Variants in TANC1 observed in about 807,000 individuals in gnomAD.
The protein encoded by TANC1 is tetratricopeptide repeat, ankyrin repeat and coiled-coil containing 1.
In TANC1, 77 loss-of-function variants were observed where a neutral mutation model predicts 149.7. The observed-to-expected ratio is 0.51, with a 90% CI of 0.43 to 0.62. The LOEUF (loss-of-function observed/expected upper bound fraction) is 0.62. Among genes scored for constraint, TANC1 ranks in the 20% least tolerant of loss-of-function variants. The pLI is 0.00. For missense variants in TANC1, 1,985 were observed against 2,321.8 expected, an observed-to-expected ratio of 0.85 and a Z score of 2.98; for synonymous variants, 854 against 925.0, an observed-to-expected ratio of 0.92 and a Z score of 1.39.
intron 8 of TANC1, 66 bp from the exon 9 acceptor site, chr2:159,169,184 A>G (rs1412550254): frequency 2.8e-5 from 37 of 1,315,142 alleles, no homozygotes; most frequent in Non-Finnish European, 6.5e-6. Context: ...TTTATAAGTT[A>G]TAGTCACTTA....
chr2:159,228,926 A>T, intron 26 of TANC1, 30 bp downstream of exon 26: 1 of 1,579,576 alleles, frequency 6.3e-7, no homozygotes, highest in Non-Finnish European at 8.7e-7. Context: ...TTGTGTCTAG[A>T]GCTTTTTTTC....
chr2:159,193,041 G>A (rs958114138), intron 16 of TANC1, among the ~76,000 whole-genome samples: 4 of 152,206 alleles, frequency 2.6e-5, no homozygotes, highest in Admixed American at 6.5e-5. Context: ...ATTCAGTAGT[G>A]TTAACAATAT....
At chr2:159,124,754 TC>T (rs764992333) in intron 4 of TANC1, among the ~76,000 whole-genome samples, 1 of 151,870 alleles carries the variant, frequency 6.6e-6, no homozygotes, top group African/African-American at 2.4e-5. Context: ...TTTTTTTTTT[TC>T]CAGAGACAGG....
intron 2 of TANC1, among the ~76,000 whole-genome samples, chr2:159,028,889 G>A (rs149759795): frequency 1.3e-5 from 2 of 152,296 alleles, no homozygotes; most frequent in African/African-American, 4.8e-5. Flanking sequence ...AAGCAGCTGA[G>A]ACTATAGGCA....
chr2:159,207,819 A>G (rs991034438), intron 19 of TANC1, among the ~76,000 whole-genome samples: 1 of 152,018 alleles, frequency 6.6e-6, no homozygotes. Context: ...GTAACAGAGA[A>G]CTAAGAGTAG....
At chr2:159,170,445 C>A in intron 9 of TANC1, 79 bp from the exon 10 acceptor site, 4 of 1,331,360 alleles carry the variant, frequency 3.0e-6, no homozygotes, top group Non-Finnish European at 4.1e-6. Context: ...TTTAGTGTAA[C>A]ACACAAGCAA....
chr2:159,229,126 C>T (rs561729047), intron 26 of TANC1, among the ~76,000 whole-genome samples: 1 of 152,156 alleles, frequency 6.6e-6, no homozygotes, highest in East Asian at 1.9e-4. Context: ...CCTTCCCACC[C>T]CTCCCCCCAC....
chr2:159,017,756 AC>A (rs997435851), intron 2 of TANC1, among the ~76,000 whole-genome samples: 25 of 152,206 alleles, frequency 1.6e-4, no homozygotes, highest in African/African-American at 5.1e-4. Context: ...TACCTAATGC[AC>A]GCGGGACTTC....
chr2:159,051,368 A>G (rs2041449928), intron 2 of TANC1, among the ~76,000 whole-genome samples: 1 of 152,220 alleles, frequency 6.6e-6, no homozygotes, highest in South Asian at 2.1e-4. Context: ...CTGCGTCACA[A>G]TAGTGACTTT....
At position 159,227,924 on chromosome 2, in the gene TANC1, T is replaced by G. The variant is rs1228292622; in HGVS notation, c.4009T>G (p.Ser1337Ala). Residue 1337 changes from serine (S) to alanine (A), a missense_variant, in exon 25 of 27, where the codon TCC (serine) becomes GCC (alanine). Physicochemically the swap from Ser to Ala is moderately conservative, Grantham distance 99. This residue lies in a region of TANC1 where 920 missense variants were observed against 994.7 expected (regional missense o/e 0.92). Coordinates refer to ENST00000263635, the MANE Select transcript of TANC1 (RefSeq NM_033394.3). ...DMRPFNELRV[S>A]LYLNLSRCRR... ...GAGACCCTTCAATGAATTAAGGGTT[T>G]CCCTCTATCTCAATTTGTCGCGATG... is the stretch of plus-strand genomic sequence containing the variant. 2 of 1,613,646 alleles carry G rather than the reference T, an allele frequency of 1.2e-6. No homozygotes were observed. Among genetic ancestry groups the G allele is most frequent in the Admixed American group, 1.7e-5 (1 of 59,932 alleles).
chr2:159,057,425 G>A (rs1574382231), intron 2 of TANC1, among the ~76,000 whole-genome samples: 1 of 152,140 alleles, frequency 6.6e-6, no homozygotes, highest in Non-Finnish European at 1.5e-5. Flanking sequence ...GGGTAGCAAC[G>A]TACAGATGTA....
intron 1 of TANC1, among the ~76,000 whole-genome samples, chr2:158,981,542 T>A (rs72432572): frequency 4.8e-4 from 42 of 88,356 alleles, no homozygotes; most frequent in East Asian, 1.2e-3. Context: ...TATATATATA[T>A]AAAGAAGTAA....
intron 2 of TANC1, among the ~76,000 whole-genome samples, chr2:159,006,128 C>T (rs1380936910): frequency 6.6e-6 from 1 of 151,892 alleles, no homozygotes; most frequent in African/African-American, 2.4e-5. Flanking sequence ...AAACCCCCGT[C>T]TCTACTGAAA....
intron 4 of TANC1, among the ~76,000 whole-genome samples, chr2:159,110,880 T>C (rs901764623): frequency 6.6e-6 from 1 of 152,210 alleles, no homozygotes; most frequent in Non-Finnish European, 1.5e-5. Context: ...CAAGCATGTG[T>C]CGTCTTGACA....
Position 159,052,999 on chromosome 2 carries a change from C to T in TANC1, c.-15-12897C>T, listed in dbSNP as rs988395191. 3.3e-5 allele frequency among the ~76,000 whole-genome samples: 5 copies of T among 152,194 alleles called. 1 individual carries two copies. Among genetic ancestry groups the T allele is most frequent in the African/African-American group, 2.4e-5 (1 of 41,446 alleles). ...TGTCTACTTAAAAATCATTCAAAAA[C>T]ACTCTGAGGGTACAGATTGCTGAAG... On this transcript the variant is annotated intron_variant, in intron 2 of 26. Coordinates refer to ENST00000263635, the MANE Select transcript of TANC1 (RefSeq NM_033394.3).
rs571720650 is a variant in TANC1, at chr2:159,091,047, T to C, written c.62-6590T>C. The stretch of plus-strand genomic sequence containing the variant: ...GGGTGTTTTTTTGTTTTTTTTTTCT[T>C]CCCCTCTGTGGTGGCCCAGTACTGT... On this transcript the variant is annotated intron_variant, in intron 3 of 26. Coordinates refer to ENST00000263635, the MANE Select transcript of TANC1 (RefSeq NM_033394.3). 1.6e-3 allele frequency among the ~76,000 whole-genome samples: 248 copies of C among 152,144 alleles called. 2 individuals carry two copies. The highest frequency in any genetic ancestry group is 5.8e-3 in the African/African-American group (239 of 41,490).
intron 19 of TANC1, among the ~76,000 whole-genome samples, chr2:159,210,569 GT>G (rs991026400): frequency 6.6e-6 from 1 of 151,840 alleles, no homozygotes; most frequent in Non-Finnish European, 1.5e-5. Context: ...TTGTTTGTTT[GT>G]TTTTTGTTTT....
At position 159,097,806 on chromosome 2, in the gene TANC1, G is replaced by T; in HGVS notation, c.231G>T (p.Val77=). The T allele has an allele frequency of 6.2e-7, 1 of 1,613,438 alleles. No homozygotes were observed. Among genetic ancestry groups the T allele is most frequent in the Non-Finnish European group, 8.5e-7 (1 of 1,179,608 alleles). Residue 77 remains valine (V), a synonymous_variant, in exon 4 of 27, where the codon GTG becomes GTT. Coordinates refer to ENST00000263635, the MANE Select transcript of TANC1 (RefSeq NM_033394.3). The part of the protein sequence containing the change: ...SPLLPRQSHL[V]QSRVNKKSPG... ...TGCTGCCTCGACAGTCTCACTTGGTGCAATCAAGAGTGAACAAAAAATCCC... is the reference window on the plus strand; with the variant it reads ...TGCTGCCTCGACAGTCTCACTTGGTTCAATCAAGAGTGAACAAAAAATCCC...
intron 4 of TANC1, among the ~76,000 whole-genome samples, chr2:159,117,234 T>C (rs1477067117): frequency 1.3e-5 from 2 of 152,172 alleles, no homozygotes; most frequent in Admixed American, 6.5e-5. Context: ...CTATTTTTAA[T>C]AAAATTTAAA....
Sources: allele counts gnomAD v4.1 joint callset (sites outside exome capture counted in the v4.1 genomes callset), GRCh38; gene constraint gnomAD v4.1.1; regional missense constraint gnomAD v4.1.1; transcripts MANE v1.5; gene names NCBI Gene and HGNC (gene_info 2026-07-23, HGNC 2026-07-21).